The following HYCC2 variants were observed in gnomAD, a reference collection of about 807,000 sequenced individuals.
HYCC2 encodes the protein hyccin PI4KA lipid kinase complex subunit 2, also known as hyccin 2.
the HYCC2 span, among the ~76,000 whole-genome samples, chr2:201,041,543 T>C: frequency 1.3e-5 from 2 of 152,254 alleles, no homozygotes; most frequent in African/African-American, 2.4e-5. Flanking sequence ...AACCACTTTA[T>C]GTAAATAGCA....
chr2:200,974,105 C>T, the HYCC2 span: 2 of 151,812 alleles, frequency 1.3e-5, no homozygotes, highest in Admixed American at 6.6e-5. Flanking sequence ...GGACATCACT[C>T]AATACAAGTC....
the HYCC2 span, among the ~76,000 whole-genome samples, chr2:201,029,163 T>A: frequency 2.6e-5 from 4 of 152,108 alleles, no homozygotes. Flanking sequence ...AACAGACACT[T>A]CTCAAAAGAA....
the HYCC2 span, chr2:201,071,627 C>A: frequency 6.5e-6 from 1 of 154,016 alleles, no homozygotes; most frequent in East Asian, 1.9e-4. Context: ...CCTGCTGTCT[C>A]CGGCTTCCTA....
chr2:201,057,281 C>G, the HYCC2 span, among the ~76,000 whole-genome samples: 1 of 152,224 alleles, frequency 6.6e-6, no homozygotes, highest in African/African-American at 2.4e-5. Flanking sequence ...TGTCTATCCT[C>G]TTTAAGTCAA....
chr2:200,980,443 T>C, the HYCC2 span: 6 of 152,074 alleles, frequency 3.9e-5, no homozygotes, highest in Admixed American at 2.6e-4. Flanking sequence ...TCCTGGGAAA[T>C]AGAACATGCC....
chr2:201,062,177 T>C, the HYCC2 span, among the ~76,000 whole-genome samples: 4 of 152,110 alleles, frequency 2.6e-5, no homozygotes, highest in African/African-American at 9.7e-5. Context: ...ATACTATCTT[T>C]AATAAAAGAT....
At chr2:200,993,003 C>T in the HYCC2 span, 3 of 1,597,036 alleles carry the variant, frequency 1.9e-6, no homozygotes, top group Non-Finnish European at 2.6e-6. Context: ...TCACACAAAC[C>T]CTAGGAAAAT....
At chr2:200,984,164 T>TA in the HYCC2 span, among the ~76,000 whole-genome samples, 1 of 152,158 alleles carries the variant, frequency 6.6e-6, no homozygotes, top group South Asian at 2.1e-4. Context: ...CTCAGCCTCT[T>TA]AAGCAGCTGG....
At chr2:201,034,961 T>C in the HYCC2 span, among the ~76,000 whole-genome samples, 28 of 152,336 alleles carry the variant, frequency 1.8e-4, no homozygotes, top group East Asian at 4.6e-3. Context: ...GAGTTTCTGC[T>C]GAGAGATCCG....
At chr2:201,025,269 G>A in the HYCC2 span, among the ~76,000 whole-genome samples, 62 of 152,272 alleles carry the variant, frequency 4.1e-4, no homozygotes, top group African/African-American at 1.3e-3. Flanking sequence ...AAGGGATTCC[G>A]TAAGAATTAA....
At chr2:200,986,857 T>C in the HYCC2 span, among the ~76,000 whole-genome samples, 12 of 152,168 alleles carry the variant, frequency 7.9e-5, no homozygotes, top group Non-Finnish European at 1.2e-4. Flanking sequence ...AAATTGTCCA[T>C]TGAACACCAT....
At chr2:201,049,475 C>T in the HYCC2 span, among the ~76,000 whole-genome samples, 1 of 151,438 alleles carries the variant, frequency 6.6e-6, no homozygotes, top group African/African-American at 2.4e-5. Context: ...CTCAGCCCCC[C>T]GAGTAGCTGG....
the HYCC2 span, among the ~76,000 whole-genome samples, chr2:201,051,900 A>T: frequency 2.6e-5 from 4 of 152,238 alleles, no homozygotes; most frequent in Non-Finnish European, 4.4e-5. Flanking sequence ...CTCAATCATG[A>T]GCCTAATACT....
the HYCC2 span, among the ~76,000 whole-genome samples, chr2:200,990,937 G>A: frequency 6.6e-6 from 1 of 151,370 alleles, no homozygotes; most frequent in African/African-American, 2.4e-5. Context: ...TGAACTTGTG[G>A]CCTCAGGTGA....
the HYCC2 span, among the ~76,000 whole-genome samples, chr2:201,040,919 G>A: frequency 6.6e-6 from 1 of 152,108 alleles, no homozygotes; most frequent in African/African-American, 2.4e-5. Flanking sequence ...CCCCCTTAAA[G>A]GATCCTGAGG....
the HYCC2 span, among the ~76,000 whole-genome samples, chr2:201,055,305 T>C: frequency 6.6e-6 from 1 of 151,434 alleles, no homozygotes; most frequent in South Asian, 2.1e-4. Context: ...CTTTTCATCT[T>C]GTAAAACTAA....
At chr2:200,981,321 G>A in the HYCC2 span, 1 of 1,614,054 alleles carries the variant, frequency 6.2e-7, no homozygotes, top group South Asian at 1.1e-5. The surrounding 1 kb of genome is among the most constrained non-coding windows in gnomAD (Gnocchi z 4.5). Context: ...GAGACTGCTT[G>A]GTCAAGGGGG....
At chr2:200,978,516 C>T in the HYCC2 span, 3 of 123,048 alleles carry the variant, frequency 2.4e-5, no homozygotes, top group South Asian at 7.5e-4. Context: ...TGCACTGTTG[C>T]CTAGGCTGGA....
At chr2:201,050,872 T>G in the HYCC2 span, among the ~76,000 whole-genome samples, 1 of 151,810 alleles carries the variant, frequency 6.6e-6, no homozygotes, top group Non-Finnish European at 1.5e-5. Flanking sequence ...GAGGCGGAGG[T>G]TGCAGTGAGC....
Sources: gnomAD v4.1 joint callset for allele counts (sites outside exome capture counted in the v4.1 genomes callset) on GRCh38, gnomAD v4.1.1 for gene constraint, Gnocchi (gnomAD v3.1) non-coding constraint, MANE v1.5 for transcripts, NCBI Gene and HGNC (gene_info 2026-07-23, HGNC 2026-07-21) for gene names.